Variants in MCTP2 observed in about 807,000 individuals in gnomAD.
MCTP2 encodes multiple C2 and transmembrane domain containing 2.
Under a neutral mutation model 111.6 loss-of-function variants are expected in MCTP2, and 132 were observed. The ratio of observed to expected loss-of-function variants is 1.18; its 90% confidence interval spans 1.03 to 1.37. The LOEUF is 1.37. Ranked by LOEUF, MCTP2 falls within the 40% of genes most tolerant of loss-of-function variation. The pLI, the probability that MCTP2 is intolerant of heterozygous loss-of-function variation, is 0.00. For synonymous variants in MCTP2, 395 were observed against 387.7 expected, an observed-to-expected ratio of 1.02 and a Z score of -0.22; for missense variants, 1,183 against 1,067.9, an observed-to-expected ratio of 1.11 and a Z score of -1.50.
chr15:94,320,888 A>G (rs1450634761), intron 4 of MCTP2, among the ~76,000 whole-genome samples: 1 of 152,184 alleles, frequency 6.6e-6, no homozygotes, highest in Non-Finnish European at 1.5e-5. Context: ...GTGGGACAAG[A>G]AGAGGATTTG....
At position 94,295,215 on chromosome 15, in the gene MCTP2, G is replaced by A. The variant is rs554311921; in HGVS notation, c.-65-2986G>A. ...TCCACCCGCCTTGGCCTCCCAAAGT[G>A]CTGGGATTACAGGTATGAGCCACCA... On this transcript the variant is annotated intron_variant, in intron 1 of 22. Coordinates refer to ENST00000357742, the MANE Select transcript of MCTP2 (RefSeq NM_001385001.1). Among the ~76,000 whole-genome samples the A allele has an allele frequency of 3.7e-3, 541 of 147,492 alleles. 2 individuals are homozygous for A. The highest frequency in any genetic ancestry group is 0.013 in the African/African-American group (511 of 39,688).
intron 1 of MCTP2, among the ~76,000 whole-genome samples, chr15:94,240,071 T>G (rs1304109092): frequency 6.6e-6 from 1 of 152,142 alleles, no homozygotes. Context: ...TGGTAGTTTT[T>G]TTTTTGTTTG....
chr15:94,322,945 C>A (rs1362072742), intron 4 of MCTP2, among the ~76,000 whole-genome samples: 3 of 152,204 alleles, frequency 2.0e-5, no homozygotes, highest in Non-Finnish European at 4.4e-5. Context: ...CACGAGGAAA[C>A]ACATGCAGAA....
intron 14 of MCTP2, among the ~76,000 whole-genome samples, chr15:94,393,838 T>C (rs539080784): frequency 6.6e-6 from 1 of 151,978 alleles, no homozygotes; most frequent in Non-Finnish European, 1.5e-5. Flanking sequence ...TCACCTGAGG[T>C]CAGGAGTTTG....
In MCTP2 at chr15:94,401,831, G is replaced by A. The variant is rs545158205; in HGVS notation, c.1966-69G>A. On this transcript the variant is annotated intron_variant, in intron 16 of 22. Transcript: ENST00000357742. ...ACAAAATATAATTTAAATGATCAGG[G>A]TACCTGATCTAGATGGAATATTTGT... The A allele has an allele frequency of 5.8e-6, 7 of 1,203,076 alleles. No homozygotes were observed. In the South Asian group the frequency reaches 9.2e-5, roughly 16 times the overall value. The allele number at this position is 1,203,076 out of a possible 1,614,324, so 74.5% of individuals were successfully genotyped here.
intron 2 of MCTP2, among the ~76,000 whole-genome samples, chr15:94,313,023 C>T (rs1206254123): frequency 6.6e-6 from 1 of 152,154 alleles, no homozygotes; most frequent in Non-Finnish European, 1.5e-5. Flanking sequence ...CGCAGTGGCT[C>T]ATGGTTTCCT....
At chr15:94,356,071 TG>T (rs2078605658) in intron 8 of MCTP2, 65 bp from the exon 9 acceptor site, 17 of 1,405,024 alleles carry the variant, frequency 1.2e-5, no homozygotes, top group African/African-American at 1.5e-5. Context: ...GGAATTCCTA[TG>T]ATCATCAAAG....
At chr15:94,375,747 A>G (rs1335485400) in intron 12 of MCTP2, among the ~76,000 whole-genome samples, 1 of 152,210 alleles carries the variant, frequency 6.6e-6, no homozygotes, top group African/African-American at 2.4e-5. Context: ...CAGAGGAAAA[A>G]TAAATATGTT....
intron 4 of MCTP2, among the ~76,000 whole-genome samples, chr15:94,316,861 G>C (rs4984345): frequency 6.6e-6 from 1 of 151,664 alleles, no homozygotes; most frequent in African/African-American, 2.4e-5. Context: ...GTTCTTGGAC[G>C]GTTTCTCCTG....
At chr15:94,322,512 G>A (rs1170148428) in intron 4 of MCTP2, among the ~76,000 whole-genome samples, 1 of 152,154 alleles carries the variant, frequency 6.6e-6, no homozygotes, top group Non-Finnish European at 1.5e-5. Context: ...ATAAACAAAT[G>A]AACATAGCTG....
intron 14 of MCTP2, among the ~76,000 whole-genome samples, chr15:94,390,084 A>ACACG (rs1567602658): frequency 2.1e-4 from 4 of 19,336 alleles, no homozygotes; most frequent in African/African-American, 5.7e-4. Context: ...ATATATATAT[A>ACACG]TATATGTATA....
At chr15:94,291,562 C>G (rs1203260392) in intron 1 of MCTP2, among the ~76,000 whole-genome samples, 1 of 151,350 alleles carries the variant, frequency 6.6e-6, no homozygotes, top group Non-Finnish European at 1.5e-5. Flanking sequence ...GATCGTGCCA[C>G]TGCACTCCAG....
At chr15:94,345,223 A>G in intron 8 of MCTP2, 59 bp downstream of exon 8, 1 of 1,479,436 alleles carries the variant, frequency 6.8e-7, no homozygotes, top group East Asian at 2.3e-5. Flanking sequence ...TTTGTAGCAA[A>G]CAAAAATGAC....
At chr15:94,292,115 T>C (rs2075060761) in intron 1 of MCTP2, among the ~76,000 whole-genome samples, 1 of 152,200 alleles carries the variant, frequency 6.6e-6, no homozygotes, top group South Asian at 2.1e-4. Flanking sequence ...AAATGTATGA[T>C]ACTGAAATAG....
At chr15:94,352,460 A>G (rs191670173) in intron 8 of MCTP2, among the ~76,000 whole-genome samples, 27 of 152,342 alleles carry the variant, frequency 1.8e-4, no homozygotes, top group Non-Finnish European at 3.8e-4. Flanking sequence ...ATGAATCAAC[A>G]TAGGAATAGC....
intron 20 of MCTP2, among the ~76,000 whole-genome samples, chr15:94,466,562 A>G (rs2073330202): frequency 6.6e-6 from 1 of 152,080 alleles, no homozygotes; most frequent in African/African-American, 2.4e-5. Context: ...CCTTATTCTT[A>G]TCCTGAATAT....
intron 14 of MCTP2, among the ~76,000 whole-genome samples, chr15:94,391,502 G>T (rs368237850): frequency 2.0e-5 from 3 of 152,166 alleles, no homozygotes; most frequent in Admixed American, 1.3e-4. Flanking sequence ...GTGCCGTAGG[G>T]TAGAGGGGCA....
At chr15:94,342,671 T>A (rs1262644549) in intron 7 of MCTP2, 1 of 151,604 alleles carries the variant, frequency 6.6e-6, no homozygotes, top group Non-Finnish European at 1.5e-5. Flanking sequence ...TCTCCATATA[T>A]ACACATATAT....
intron 17 of MCTP2, among the ~76,000 whole-genome samples, chr15:94,439,668 T>C (rs1198611136): frequency 1.3e-5 from 2 of 152,224 alleles, no homozygotes; most frequent in Non-Finnish European, 2.9e-5. Context: ...CCTTTTCTGA[T>C]GTAGACAATG....
Sources: gnomAD v4.1 joint callset for allele counts (sites outside exome capture counted in the v4.1 genomes callset) on GRCh38, gnomAD v4.1.1 for gene constraint, MANE v1.5 for transcripts, NCBI Gene and HGNC (gene_info 2026-07-23, HGNC 2026-07-21) for gene names.